The following MARVELD2 variants were observed in gnomAD, a reference collection of about 807,000 sequenced individuals.
The protein encoded by MARVELD2 is MARVEL domain-containing protein 2.
Under a neutral mutation model 57.6 loss-of-function variants are expected in MARVELD2, and 49 were observed. The ratio of observed to expected loss-of-function variants is 0.85; its 90% CI spans 0.68 to 1.08. MARVELD2 has a LOEUF of 1.08. Among genes scored for constraint, MARVELD2 ranks in the 50% least tolerant of loss-of-function variants. The pLI, the probability that MARVELD2 is intolerant of heterozygous loss-of-function variation, is 0.00. For synonymous variants in MARVELD2, 238 were observed against 258.8 expected (o/e 0.92, Z 0.77); for missense variants, 606 against 701.1 (o/e 0.86, Z 1.53).
intron 3 of MARVELD2, among the ~76,000 whole-genome samples, chr5:69,426,251 A>G (rs1481236310): frequency 4.0e-5 from 6 of 150,824 alleles, no homozygotes; most frequent in African/African-American, 1.5e-4. Flanking sequence ...CATATATGTA[A>G]TAATTTATTT....
chr5:69,422,242 C>G (rs187274213), intron 2 of MARVELD2, among the ~76,000 whole-genome samples: 1 of 152,186 alleles, frequency 6.6e-6, no homozygotes, highest in Admixed American at 6.6e-5. Context: ...GTTCAGGGAA[C>G]AAGGGAGATA....
At chr5:69,430,174 A>G (rs1766915520) in intron 3 of MARVELD2, among the ~76,000 whole-genome samples, 1 of 152,046 alleles carries the variant, frequency 6.6e-6, no homozygotes, top group South Asian at 2.1e-4. Context: ...TTGAGACCAG[A>G]CTAGGAAATA....
chr5:69,423,431 A>G (rs542582384), intron 2 of MARVELD2, among the ~76,000 whole-genome samples: 1 of 151,426 alleles, frequency 6.6e-6, no homozygotes, highest in Non-Finnish European at 1.5e-5. Flanking sequence ...CTATTTTTCA[A>G]TATTTTTTGT....
In MARVELD2 at chr5:69,432,474, G is replaced by GT. The variant is rs1324030912; in HGVS notation, c.1183-46dup. ...CATTTTCTAAGAATGAATTCAGAGG[G>GT]TTTTTTTCTACTTATGTTTATTAAC... On this transcript the variant is annotated intron_variant, in intron 3 of 6. Transcript: ENST00000325631. 3.8e-6 allele frequency: 6 copies of GT among 1,584,452 alleles called. No individual in the cohort carries two copies. The Admixed American group carries it at 5.2e-5, about 14-fold the overall frequency.
intron 1 of MARVELD2, among the ~76,000 whole-genome samples, chr5:69,417,802 G>A (rs1766475807): frequency 1.3e-5 from 2 of 152,220 alleles, no homozygotes; most frequent in East Asian, 3.9e-4. Context: ...AGCCGGGCGT[G>A]GTGGCGAGCA....
At chr5:69,427,888 G>T (rs538266074) in intron 3 of MARVELD2, among the ~76,000 whole-genome samples, 1 of 152,316 alleles carries the variant, frequency 6.6e-6, no homozygotes, top group Non-Finnish European at 1.5e-5. Context: ...AAAGCAGGTG[G>T]ATCTCTTGAG....
chr5:69,415,189 G>C lies in MARVELD2; in HGVS notation c.-16+19G>C, dbSNP rs1394341064. Reference sequence around the variant, plus strand: ...TGCGCAGGTAAGTGGGACCGGGGTGGGGCCACGTGACCGGGAGAGGAGGGC... The same window carrying C: ...TGCGCAGGTAAGTGGGACCGGGGTGCGGCCACGTGACCGGGAGAGGAGGGC... On this transcript the variant is annotated intron_variant, in intron 1 of 6. Transcript: ENST00000325631. 6.6e-6 allele frequency: 1 copy of C among 152,310 alleles called. No homozygotes were observed. The highest frequency in any genetic ancestry group is 2.4e-5 in the African/African-American group (1 of 41,466). The allele number at this position is 152,310 out of a possible 1,614,324, so 9.4% of individuals were successfully genotyped here.
chr5:69,433,055 G>A lies in MARVELD2; in HGVS notation c.1465G>A (p.Val489Met), dbSNP rs1198930354. The A allele has an allele frequency of 7.4e-6, 12 of 1,611,970 alleles. No homozygotes were observed. The East Asian group carries it at 2.7e-4, about 36-fold the overall frequency. Reference sequence around the variant, plus strand: ...GAGGAAGTTTGATGAGCTGGATGCAGTGATGAGCAGATTGCCACATCATTC... The same window carrying A: ...GAGGAAGTTTGATGAGCTGGATGCAATGATGAGCAGATTGCCACATCATTC... ...VLRKFDELDA[V>M]MSRLPHHSES... The change falls in exon 5 of 7, where the codon GTG (valine) becomes ATG (methionine). Residue 489 changes from valine to methionine, a missense_variant. Physicochemically the swap from Val to Met is conservative, Grantham distance 21. Coordinates refer to ENST00000325631, the MANE Select transcript of MARVELD2 (RefSeq NM_001038603.3).
At chr5:69,430,916 T>C (rs1218987068) in intron 3 of MARVELD2, among the ~76,000 whole-genome samples, 4 of 151,630 alleles carry the variant, frequency 2.6e-5, no homozygotes, top group African/African-American at 9.7e-5. Context: ...GAACCTCACT[T>C]CTGTTTTTAA....
In MARVELD2 at chr5:69,442,826, C is replaced by CTTTTTTT. The variant is rs11361474; in HGVS notation, c.*1184_*1190dup. ...ACATTGAATTGTATGAATGGTATTG[C>CTTTTTTT]TTTTTTTTTTTTTTTTTTGTGAGAC... On this transcript the variant is annotated 3_prime_UTR_variant, in exon 7 of 7. Coordinates refer to ENST00000325631, the MANE Select transcript of MARVELD2 (RefSeq NM_001038603.3). 7.9e-6 allele frequency: 1 copy of CTTTTTTT among 126,154 alleles called. No homozygotes were observed. Among genetic ancestry groups the CTTTTTTT allele is most frequent in the Non-Finnish European group, 1.6e-5 (1 of 60,764 alleles). The allele number at this position is 126,154 out of a possible 1,614,324, so 7.8% of individuals were successfully genotyped here. A position where few individuals can be genotyped will look rare whatever the true frequency, so the allele number is the denominator to read the frequency against.
intron 1 of MARVELD2, chr5:69,415,866 G>A (rs1766394847): frequency 1.3e-5 from 2 of 152,248 alleles, no homozygotes. Flanking sequence ...GGCCTGAGCA[G>A]GACAAAGACA....
In MARVELD2 at chr5:69,426,320, C is replaced by CATTT. The variant is rs138585041; in HGVS notation, c.1182+1687_1182+1688insTATT. Among the ~76,000 whole-genome samples, 34 of 140,116 alleles carry CATTT rather than the reference C, an allele frequency of 2.4e-4. No homozygotes were observed. The South Asian group carries it at 7.9e-3, about 32-fold the overall frequency. 91.9% of individuals were successfully genotyped at this position (140,116 alleles called of 152,430 possible). On this transcript the variant is annotated intron_variant, in intron 3 of 6. Transcript: ENST00000325631. ...TACCCTCATTTTTTGAGATACTGGACATTATTATTATTATTATTATTATTA... is the reference window on the plus strand; with the variant it reads ...TACCCTCATTTTTTGAGATACTGGACATTTATTATTATTATTATTATTATTATTA...
intron 5 of MARVELD2, among the ~76,000 whole-genome samples, chr5:69,439,757 GA>G (rs1331196287): frequency 5.6e-5 from 8 of 143,062 alleles, no homozygotes; most frequent in African/African-American, 7.7e-5. Context: ...GTCTTAAAAT[GA>G]AAAAAAAAAC....
At chr5:69,422,979 C>A (rs1466063990) in intron 2 of MARVELD2, among the ~76,000 whole-genome samples, 1 of 152,196 alleles carries the variant, frequency 6.6e-6, no homozygotes, top group East Asian at 1.9e-4. Flanking sequence ...CTCACTATAA[C>A]CTCCGCTTCC....
intron 5 of MARVELD2, among the ~76,000 whole-genome samples, chr5:69,434,930 T>C (rs1201625971): frequency 6.6e-6 from 1 of 151,948 alleles, no homozygotes; most frequent in East Asian, 1.9e-4. Flanking sequence ...CCTGACCTTA[T>C]GATCCACCCG....
chr5:69,426,906 C>T (rs1303623300), intron 3 of MARVELD2, among the ~76,000 whole-genome samples: 1 of 152,062 alleles, frequency 6.6e-6, no homozygotes, highest in Non-Finnish European at 1.5e-5. Context: ...GATCCTCCTG[C>T]CTCAGCCTCC....
chr5:69,433,404 G>A (rs1767032913), intron 5 of MARVELD2, among the ~76,000 whole-genome samples: 2 of 150,430 alleles, frequency 1.3e-5, no homozygotes, highest in Admixed American at 6.7e-5. Context: ...CACCTGCCTT[G>A]GCCTCCCAGA....
intron 1 of MARVELD2, chr5:69,415,456 C>T (rs1192552741): frequency 6.6e-6 from 1 of 152,228 alleles, no homozygotes; most frequent in African/African-American, 2.4e-5. Flanking sequence ...GTTTCGGCCT[C>T]GTTGGGTCGG....
intron 5 of MARVELD2, among the ~76,000 whole-genome samples, chr5:69,436,402 A>AACACACACACACACACAC (rs66984523): frequency 1.9e-4 from 23 of 123,904 alleles, no homozygotes; most frequent in Admixed American, 3.5e-4. Context: ...TATGTATGGG[A>AACACACACACACACACAC]ACACACACAC....
Sources: allele counts gnomAD v4.1 joint callset (sites outside exome capture counted in the v4.1 genomes callset), GRCh38; gene constraint gnomAD v4.1.1; transcripts MANE v1.5; gene names NCBI Gene and HGNC (gene_info 2026-07-23, HGNC 2026-07-21).